ADARB2: variants seen among roughly 807,000 people sequenced by gnomAD.
ADARB2 encodes the protein inactive double-stranded RNA-specific editase B2.
A neutral mutation model predicts 62.2 loss-of-function variants in ADARB2; 25 were observed. The ratio of observed to expected loss-of-function variants is 0.40; its 90% CI spans 0.29 to 0.56. ADARB2 has a LOEUF of 0.56. Among genes scored for constraint, ADARB2 ranks in the 20% least tolerant of loss-of-function variants. The pLI is 0.43. For missense variants in ADARB2, 1,071 were observed against 1,077.4 expected (o/e 0.99, Z 0.08); for synonymous variants, 572 against 500.8 (o/e 1.14, Z -1.90).
At chr10:1,489,313 C>A (rs192158414) in intron 1 of ADARB2, among the ~76,000 whole-genome samples, 99 of 151,560 alleles carry the variant, frequency 6.5e-4, no homozygotes, top group African/African-American at 2.3e-3. Context: ...CGTGACAGTG[C>A]CTCTCTGGGA....
At chr10:1,263,106 G>A (rs907770210) in intron 4 of ADARB2, among the ~76,000 whole-genome samples, 9 of 124,856 alleles carry the variant, frequency 7.2e-5, no homozygotes, top group African/African-American at 2.8e-4. Flanking sequence ...ACAGGAAGGG[G>A]AACATCACAC....
At chr10:1,503,512 G>GA (rs2131939608) in intron 1 of ADARB2, among the ~76,000 whole-genome samples, 1 of 152,182 alleles carries the variant, frequency 6.6e-6, no homozygotes, top group Admixed American at 6.5e-5. Context: ...TAGCACCTGT[G>GA]AGCCCTTCAC....
chr10:1,490,837 G>A (rs902836048), intron 1 of ADARB2, among the ~76,000 whole-genome samples: 2 of 152,114 alleles, frequency 1.3e-5, no homozygotes, highest in African/African-American at 4.8e-5. Flanking sequence ...AGCTGAACTT[G>A]GTTCTCTGTT....
intron 1 of ADARB2, among the ~76,000 whole-genome samples, chr10:1,486,702 G>A (rs1010839261): frequency 2.6e-5 from 4 of 152,170 alleles, no homozygotes. Context: ...ATCAGCATCA[G>A]CCTCAGAACT....
Position 1,214,361 on chromosome 10 carries a change from A to ATGGGTTTGCACCTGTGTCCAGCATTGCG in ADARB2, c.1682+2589_1682+2590insCGCAATGCTGGACACAGGTGCAAACCCA, listed in dbSNP as rs144154048. ...CTGTGCCTGGACCTGCCGGCGTCGC[A>ATGGGTTTGCACCTGTGTCCAGCATTGCG]TGGGTTTGCACCTGTGCCTGGACCT... On this transcript the variant is annotated intron_variant, in intron 7 of 9. Coordinates refer to ENST00000381312, the MANE Select transcript of ADARB2 (RefSeq NM_018702.4). Among the ~76,000 whole-genome samples, 165 of 34,704 alleles carry ATGGGTTTGCACCTGTGTCCAGCATTGCG rather than the reference A, an allele frequency of 4.8e-3. 1 individual carries two copies. The highest frequency in any genetic ancestry group is 7.0e-3 in the African/African-American group (55 of 7,820). The allele number at this position is 34,704 out of a possible 152,430, so 22.8% of individuals were successfully genotyped here. A position where few individuals can be genotyped will look rare whatever the true frequency, so the allele number is the denominator to read the frequency against.
intron 1 of ADARB2, among the ~76,000 whole-genome samples, chr10:1,544,958 C>CACACACACACACACACACAT (rs1832497280): frequency 3.5e-5 from 1 of 28,920 alleles, no homozygotes; most frequent in Non-Finnish European, 8.0e-5. Flanking sequence ...GCAAAGTATA[C>CACACACACACACACACACAT]ACACACACAC....
intron 1 of ADARB2, among the ~76,000 whole-genome samples, chr10:1,494,615 C>T (rs563336889): frequency 4.1e-4 from 62 of 151,492 alleles, no homozygotes; most frequent in African/African-American, 1.5e-3. Flanking sequence ...CCTTTAGCTC[C>T]ACTTTTTTTT....
intron 3 of ADARB2, among the ~76,000 whole-genome samples, chr10:1,304,324 ACTAT>A (rs1831605217): frequency 6.7e-6 from 1 of 150,042 alleles, no homozygotes; most frequent in Non-Finnish European, 1.5e-5. Context: ...AGAAGAGCTA[ACTAT>A]CCTAAATATA....
At chr10:1,637,552 G>A (rs1025368991) in intron 1 of ADARB2, among the ~76,000 whole-genome samples, 11 of 152,282 alleles carry the variant, frequency 7.2e-5, no homozygotes, top group Admixed American at 2.6e-4. Context: ...CTAAAATAAC[G>A]TATTTGTTCC....
intron 1 of ADARB2, among the ~76,000 whole-genome samples, chr10:1,639,869 A>AAAC (rs1382830916): frequency 6.7e-6 from 1 of 148,950 alleles, no homozygotes; most frequent in African/African-American, 2.5e-5. Flanking sequence ...AAAGCAAAAC[A>AAAC]AAACAAACAA....
intron 3 of ADARB2, among the ~76,000 whole-genome samples, chr10:1,299,213 C>A (rs967102813): frequency 1.3e-5 from 2 of 151,938 alleles, no homozygotes; most frequent in African/African-American, 2.4e-5. Flanking sequence ...CACGAAGGGG[C>A]CCCAGATGGG....
chr10:1,390,407 T>C (rs1278049628), intron 1 of ADARB2, among the ~76,000 whole-genome samples: 2 of 152,234 alleles, frequency 1.3e-5, no homozygotes, highest in Non-Finnish European at 2.9e-5. Context: ...CATTTGTCAT[T>C]GGACTGTAAC....
At chr10:1,723,627 G>A (rs914331181) in intron 1 of ADARB2, among the ~76,000 whole-genome samples, 22 of 152,188 alleles carry the variant, frequency 1.4e-4, no homozygotes, top group Admixed American at 8.5e-4. Context: ...CGGTCCGCTT[G>A]CCACCTGCAC....
At chr10:1,556,537 C>G (rs974574212) in intron 1 of ADARB2, 7 of 392,286 alleles carry the variant, frequency 1.8e-5, no homozygotes, top group Middle Eastern at 3.9e-4. Flanking sequence ...CACCTGGGAT[C>G]TTATTAACTG....
At chr10:1,401,198 C>T (rs1363669961) in intron 1 of ADARB2, among the ~76,000 whole-genome samples, 1 of 152,224 alleles carries the variant, frequency 6.6e-6, no homozygotes, top group Non-Finnish European at 1.5e-5. Context: ...TCCGGAGCAG[C>T]TGAGGGACCC....
chr10:1,688,430 G>A (rs530154167), intron 1 of ADARB2, among the ~76,000 whole-genome samples: 15 of 152,322 alleles, frequency 9.8e-5, no homozygotes, highest in African/African-American at 3.4e-4. Context: ...GGGCAGTGAA[G>A]GGCTGGAGAC....
chr10:1,609,046 C>T (rs550577128), intron 1 of ADARB2, among the ~76,000 whole-genome samples: 1 of 152,282 alleles, frequency 6.6e-6, no homozygotes, highest in African/African-American at 2.4e-5. Flanking sequence ...CCCGAAACGC[C>T]CACCAAACTA....
chr10:1,390,549 A>C (rs1207563121), intron 1 of ADARB2, among the ~76,000 whole-genome samples: 2 of 152,224 alleles, frequency 1.3e-5, no homozygotes, highest in Non-Finnish European at 1.5e-5. Flanking sequence ...TGAATCTATA[A>C]AGAAGAAAAT....
chr10:1,421,237 C>T (rs1224771032), intron 1 of ADARB2, among the ~76,000 whole-genome samples: 1 of 151,716 alleles, frequency 6.6e-6, no homozygotes, highest in East Asian at 2.0e-4. Context: ...TGCACCTGCC[C>T]GTCGGTTCCA....
Sources: allele counts gnomAD v4.1 joint callset (sites outside exome capture counted in the v4.1 genomes callset), GRCh38; gene constraint gnomAD v4.1.1; transcripts MANE v1.5; gene names NCBI Gene and HGNC (gene_info 2026-07-23, HGNC 2026-07-21).